ALK: variants seen among roughly 807,000 people sequenced by gnomAD.
ALK encodes the protein ALK receptor tyrosine kinase, also known as ALK tyrosine kinase receptor.
A neutral mutation model predicts 163.1 loss-of-function variants in ALK; 74 were observed. The observed-to-expected ratio is 0.45, with a 90% CI of 0.38 to 0.55. The LOEUF is 0.55. Ranked by LOEUF, ALK falls within the 20% of genes least tolerant of loss-of-function variation. ALK has a pLI of 0.00. For synonymous variants in ALK, 960 were observed against 843.2 expected, an observed-to-expected ratio of 1.14 and a Z score of -2.40; for missense variants, 2,063 against 2,105.3, an observed-to-expected ratio of 0.98 and a Z score of 0.39.
intron 1 of ALK, among the ~76,000 whole-genome samples, chr2:29,858,863 A>T (rs1024960581): frequency 2.6e-5 from 4 of 152,022 alleles, no homozygotes; most frequent in South Asian, 2.1e-4. Context: ...ACATGGTGAA[A>T]CCTGGTATCT....
At chr2:29,296,814 A>T in intron 9 of ALK, 74 bp downstream of exon 9, 1 of 1,597,688 alleles carries the variant, frequency 6.3e-7, no homozygotes, top group South Asian at 1.1e-5. Flanking sequence ...GGCACGGGGA[A>T]AGGGAAGGCA....
intron 1 of ALK, among the ~76,000 whole-genome samples, chr2:29,815,980 G>A (rs1048609260): frequency 6.6e-6 from 1 of 152,238 alleles, no homozygotes; most frequent in South Asian, 2.1e-4. Flanking sequence ...CGGGAAGCAA[G>A]TGAATTAGGG....
chr2:29,735,135 C>T (rs1679855534), intron 1 of ALK, among the ~76,000 whole-genome samples: 1 of 152,080 alleles, frequency 6.6e-6, no homozygotes. Context: ...CACTTGTCAT[C>T]TAGGGGTTGC....
chr2:29,365,813 C>T (rs1668490810), intron 5 of ALK, among the ~76,000 whole-genome samples: 1 of 152,078 alleles, frequency 6.6e-6, no homozygotes, highest in South Asian at 2.1e-4. Flanking sequence ...GCACTGATAC[C>T]TCTCTCTGGT....
intron 4 of ALK, among the ~76,000 whole-genome samples, chr2:29,398,959 G>A (rs954590337): frequency 2.0e-5 from 3 of 152,174 alleles, no homozygotes; most frequent in African/African-American, 7.2e-5. Context: ...TGAGGCTTGT[G>A]TGGCAGGAGC....
intron 4 of ALK, among the ~76,000 whole-genome samples, chr2:29,449,748 A>G (rs1670776503): frequency 6.6e-6 from 1 of 152,236 alleles, no homozygotes; most frequent in Admixed American, 6.5e-5. Context: ...TCTGTTCTGT[A>G]GAGGCATGGA....
At chr2:29,623,304 T>A in intron 3 of ALK, among the ~76,000 whole-genome samples, 1 of 152,174 alleles carries the variant, frequency 6.6e-6, no homozygotes, top group East Asian at 1.9e-4. Flanking sequence ...AGAAATAACA[T>A]AAATGTCCAA....
At chr2:29,529,926 T>A (rs1256043421) in intron 4 of ALK, among the ~76,000 whole-genome samples, 2 of 152,056 alleles carry the variant, frequency 1.3e-5, no homozygotes, top group African/African-American at 4.8e-5. Flanking sequence ...GGGAAGAGGA[T>A]AAGTTGGGTG....
intron 4 of ALK, among the ~76,000 whole-genome samples, chr2:29,413,542 A>T (rs543616765): frequency 3.4e-5 from 5 of 146,342 alleles, no homozygotes; most frequent in African/African-American, 1.3e-4. Context: ...TTATTTATTT[A>T]TTTTTTTAAG....
At chr2:29,439,881 C>T (rs1670493489) in intron 4 of ALK, among the ~76,000 whole-genome samples, 1 of 152,084 alleles carries the variant, frequency 6.6e-6, no homozygotes, top group Non-Finnish European at 1.5e-5. Flanking sequence ...TTTTGAATGT[C>T]TAGCCTCCAG....
chr2:29,462,543 A>G (rs769380602), intron 4 of ALK, among the ~76,000 whole-genome samples: 12 of 152,202 alleles, frequency 7.9e-5, no homozygotes, highest in Non-Finnish European at 1.6e-4. Context: ...GATTGTTAGC[A>G]TATTTTAGCA....
chr2:29,408,744 T>C (rs537116439), intron 4 of ALK, among the ~76,000 whole-genome samples: 2 of 152,306 alleles, frequency 1.3e-5, no homozygotes, highest in East Asian at 1.9e-4. Context: ...AATGGGCAGA[T>C]GAGAATTTTT....
chr2:29,619,450 T>C (rs1436242995), intron 3 of ALK, among the ~76,000 whole-genome samples: 1 of 152,186 alleles, frequency 6.6e-6, no homozygotes, highest in Non-Finnish European at 1.5e-5. Context: ...GATCGAGCTC[T>C]CCTCTCCCTT....
At chr2:29,274,695 C>G (rs149906762) in intron 11 of ALK, among the ~76,000 whole-genome samples, 13 of 152,326 alleles carry the variant, frequency 8.5e-5, no homozygotes, top group East Asian at 5.8e-4. Context: ...GATGGGGTAG[C>G]CTACCTTTGT....
chr2:29,194,509 T>A (rs1030788921), intron 28 of ALK, among the ~76,000 whole-genome samples: 3 of 152,128 alleles, frequency 2.0e-5, no homozygotes, highest in East Asian at 1.9e-4. Context: ...TGTTTTTGTG[T>A]TTGTTTTTTA....
chr2:29,393,666 A>C (rs373202410), intron 4 of ALK, among the ~76,000 whole-genome samples: 1 of 152,148 alleles, frequency 6.6e-6, no homozygotes, highest in African/African-American at 2.4e-5. Flanking sequence ...TAATTAAACA[A>C]ATTTGTTTTG....
chr2:29,845,900 G>A (rs2148397603), intron 1 of ALK, among the ~76,000 whole-genome samples: 1 of 152,304 alleles, frequency 6.6e-6, no homozygotes, highest in East Asian at 1.9e-4. Context: ...CTGTGCTCCA[G>A]TTCATGCCAG....
At chr2:29,427,037 C>CAA (rs70958261) in intron 4 of ALK, among the ~76,000 whole-genome samples, 2,900 of 40,082 alleles carry the variant, frequency 0.072, 927 homozygotes, top group African/African-American at 0.24. Context: ...GACTCCGTCT[C>CAA]AAAAAAAAAA....
At position 29,581,302 on chromosome 2, in the gene ALK, C is replaced by T. The variant is rs916190363; in HGVS notation, c.953-49186G>A. On this transcript the variant is annotated intron_variant, in intron 3 of 28. Transcript: ENST00000389048. ...GCTCGGGAGGCTGAGGCAGGAGAAT[C>T]GCTTGAACCCGGGAGGTGGAGGTTG... 3.9e-5 allele frequency among the ~76,000 whole-genome samples: 6 copies of T among 152,154 alleles called. No individual in the cohort carries two copies. The East Asian group carries it at 5.8e-4, about 15-fold the overall frequency.
Sources: gnomAD v4.1 joint callset for allele counts (sites outside exome capture counted in the v4.1 genomes callset) on GRCh38, gnomAD v4.1.1 for gene constraint, MANE v1.5 for transcripts, NCBI Gene and HGNC (gene_info 2026-07-23, HGNC 2026-07-21) for gene names.